The following RAB9B variants were observed in gnomAD, a reference collection of about 807,000 sequenced individuals.
RAB9B encodes ras-related protein Rab-9B.
Under a neutral mutation model 8.9 loss-of-function variants are expected in RAB9B, and 1 was observed. That is an observed-to-expected ratio of 0.11 (90% CI 0.04 to 0.53). The LOEUF is 0.53. RAB9B is among the 20% of genes least tolerant of loss of function. The pLI, the probability that RAB9B is intolerant of heterozygous loss-of-function variation, is 0.93. For synonymous variants in RAB9B, 63 were observed against 57.0 expected (o/e 1.10, Z -0.47); for missense variants, 82 against 152.9 (o/e 0.54, Z 2.45).
At chrX:103,806,725 C>A in the RAB9B span, among the ~76,000 whole-genome samples, 1 of 111,367 alleles carries the variant, frequency 9.0e-6, no homozygotes, top group African/African-American at 3.3e-5. Flanking sequence ...TTGAATTGTC[C>A]ATTTCTCCCT....
the RAB9B span, chrX:103,790,418 C>A: frequency 1.6e-6 from 1 of 634,574 alleles, no homozygotes; most frequent in Non-Finnish European, 2.7e-6. Flanking sequence ...GGGTTTTTCC[C>A]TTATTTAGTT....
chrX:103,817,582 A>AAT (rs201427283), downstream of RAB9B, among the ~76,000 whole-genome samples: 751 of 108,957 alleles, frequency 6.9e-3, 24 homozygotes, highest in Admixed American at 0.067. Context: ...GTATACATAT[A>AAT]ATATATATAT....
At chrX:103,793,239 T>C in the RAB9B span, among the ~76,000 whole-genome samples, 33 of 111,988 alleles carry the variant, frequency 2.9e-4, no homozygotes, top group African/African-American at 1.0e-3. Context: ...ACCGGGGACA[T>C]AGCATTAAAG....
At chrX:103,788,385 G>T in the RAB9B span, 2 of 890,836 alleles carry the variant, frequency 2.2e-6, no homozygotes, top group Non-Finnish European at 3.3e-6. Context: ...GTCTCCATGT[G>T]GCCCCGTAAC....
downstream of RAB9B, among the ~76,000 whole-genome samples, chrX:103,821,009 CACACAA>C (rs2074658067): frequency 1.1e-5 from 1 of 87,335 alleles, no homozygotes; most frequent in Non-Finnish European, 2.2e-5. Flanking sequence ...CACACACACA[CACACAA>C]AGTTAGCTGG....
At chrX:103,785,446 C>T in the RAB9B span, 1 of 544,739 alleles carries the variant, frequency 1.8e-6, no homozygotes, top group East Asian at 3.3e-5. Context: ...AAGCCAAAAC[C>T]TCTAGCCGCT....
At chrX:103,812,911 C>T in the RAB9B span, among the ~76,000 whole-genome samples, 2 of 108,341 alleles carry the variant, frequency 1.8e-5, no homozygotes, top group Non-Finnish European at 3.8e-5. Flanking sequence ...TGCTTAACTT[C>T]TCGGTTCCTG....
At chrX:103,821,580 T>C (rs145868698), downstream of RAB9B, among the ~76,000 whole-genome samples, 896 of 111,931 alleles carry the variant, frequency 8.0e-3, 10 homozygotes, top group African/African-American at 0.027. Flanking sequence ...TAAAATCCAA[T>C]ATGTGAGAGG....
At chrX:103,788,701 G>T in the RAB9B span, 1 of 459,617 alleles carries the variant, frequency 2.2e-6, no homozygotes, top group Non-Finnish European at 3.8e-6. Flanking sequence ...GTTTTCTCTA[G>T]AGTTGCATAG....
the RAB9B span, among the ~76,000 whole-genome samples, chrX:103,800,430 T>A: frequency 9.0e-6 from 1 of 111,707 alleles, no homozygotes; most frequent in East Asian, 2.8e-4. Context: ...TGGGTTCTTT[T>A]TCTTTCTCTT....
At chrX:103,779,421 G>A in the RAB9B span, among the ~76,000 whole-genome samples, 1 of 111,814 alleles carries the variant, frequency 8.9e-6, no homozygotes, top group East Asian at 2.8e-4. Context: ...TAAAATGCCC[G>A]AAGACTAACT....
At chrX:103,807,407 C>T in the RAB9B span, among the ~76,000 whole-genome samples, 1 of 111,479 alleles carries the variant, frequency 9.0e-6, no homozygotes, top group Non-Finnish European at 1.9e-5. Context: ...CTGTTTAAAA[C>T]TTTTTACTGA....
the RAB9B span, chrX:103,776,758 A>G: frequency 3.3e-6 from 1 of 300,971 alleles, no homozygotes; most frequent in South Asian, 5.9e-5. Context: ...GTAGGTGGGG[A>G]AAAGGGGAGG....
At chrX:103,790,291 T>C in the RAB9B span, among the ~76,000 whole-genome samples, 9 of 112,817 alleles carry the variant, frequency 8.0e-5, no homozygotes, top group Non-Finnish European at 1.7e-4. Flanking sequence ...TAAATCTTTA[T>C]GATTTGATTC....
At chrX:103,803,200 T>G in the RAB9B span, among the ~76,000 whole-genome samples, 1 of 112,222 alleles carries the variant, frequency 8.9e-6, no homozygotes, top group Admixed American at 9.4e-5. Context: ...TTTTCAATTC[T>G]AATGGATTTA....
chrX:103,830,151 T>C (rs2074697736), intron 1 of RAB9B, among the ~76,000 whole-genome samples: 1 of 110,526 alleles, frequency 9.0e-6, no homozygotes, highest in Admixed American at 9.6e-5. Context: ...CATTTCCCCA[T>C]TCCTACCCAA....
At chrX:103,796,823 C>A in the RAB9B span, among the ~76,000 whole-genome samples, 3 of 84,273 alleles carry the variant, frequency 3.6e-5, no homozygotes, top group Admixed American at 1.5e-4. Flanking sequence ...TGAAAAGGGG[C>A]CACAAAGCGA....
chrX:103,796,628 A>G, the RAB9B span, among the ~76,000 whole-genome samples: 2 of 110,200 alleles, frequency 1.8e-5, no homozygotes, highest in East Asian at 5.6e-4. Context: ...GGCAGAAGCA[A>G]CTATTATCCT....
At chrX:103,806,325 T>C in the RAB9B span, among the ~76,000 whole-genome samples, 1 of 111,482 alleles carries the variant, frequency 9.0e-6, no homozygotes, top group African/African-American at 3.3e-5. Flanking sequence ...CAAGGTATTT[T>C]CTAATTTTTC....
Sources: allele counts gnomAD v4.1 joint callset (sites outside exome capture counted in the v4.1 genomes callset), GRCh38; gene constraint gnomAD v4.1.1; transcripts MANE v1.5; gene names NCBI Gene and HGNC (gene_info 2026-07-23, HGNC 2026-07-21).